Variants in GALNT13 observed in about 807,000 individuals in gnomAD.
GALNT13 encodes the protein UDP-GalNAc:polypeptide N-acetylgalactosaminyltransferase 13.
A neutral mutation model predicts 64.2 loss-of-function variants in GALNT13; 28 were observed. The ratio of observed to expected loss-of-function variants is 0.44; its 90% CI spans 0.32 to 0.60. The LOEUF is 0.60. Among genes scored for constraint, GALNT13 ranks in the 20% least tolerant of loss-of-function variants. The pLI is 0.05. For synonymous variants in GALNT13, 214 were observed against 224.6 expected, an observed-to-expected ratio of 0.95 and a Z score of 0.42; for missense variants, 577 against 669.8, an observed-to-expected ratio of 0.86 and a Z score of 1.53.
At chr2:153,219,620 A>G in the GALNT13 span, among the ~76,000 whole-genome samples, 2 of 152,212 alleles carry the variant, frequency 1.3e-5, no homozygotes, top group Admixed American at 1.3e-4. Context: ...CAAGTTATCC[A>G]CTCATTTTTA....
the GALNT13 span, among the ~76,000 whole-genome samples, chr2:153,280,986 T>C: frequency 6.6e-6 from 1 of 152,214 alleles, no homozygotes; most frequent in African/African-American, 2.4e-5. Flanking sequence ...ACTATTATTG[T>C]GTGGCTAAGT....
At chr2:154,357,188 TA>T in intron 9 of GALNT13, among the ~76,000 whole-genome samples, 1 of 152,046 alleles carries the variant, frequency 6.6e-6, no homozygotes, top group African/African-American at 2.4e-5. Flanking sequence ...ATAGAATCAT[TA>T]AAATAATCTC....
At chr2:153,108,127 C>T in the GALNT13 span, among the ~76,000 whole-genome samples, 1 of 152,190 alleles carries the variant, frequency 6.6e-6, no homozygotes, top group Non-Finnish European at 1.5e-5. Context: ...ATCCACCTGC[C>T]TTGGCCTCCC....
intron 9 of GALNT13, among the ~76,000 whole-genome samples, chr2:154,355,787 G>C (rs778851892): frequency 6.6e-6 from 1 of 151,984 alleles, no homozygotes; most frequent in Non-Finnish European, 1.5e-5. Flanking sequence ...AAATGTTCTA[G>C]AACTTTGGAC....
the GALNT13 span, among the ~76,000 whole-genome samples, chr2:153,121,132 C>G: frequency 8.5e-5 from 13 of 152,162 alleles, no homozygotes; most frequent in Non-Finnish European, 1.6e-4. Context: ...GTGCATCTAG[C>G]ATTAGAAGAG....
intron 8 of GALNT13, among the ~76,000 whole-genome samples, chr2:154,274,426 G>A (rs1015756008): frequency 6.6e-6 from 1 of 152,106 alleles, no homozygotes. Flanking sequence ...TGTGATCCTT[G>A]ATATAGTTTG....
At chr2:153,646,718 T>C in the GALNT13 span, among the ~76,000 whole-genome samples, 1 of 152,054 alleles carries the variant, frequency 6.6e-6, no homozygotes, top group African/African-American at 2.4e-5. Flanking sequence ...CGGTGTTTGG[T>C]TTTTTCGTCC....
the GALNT13 span, among the ~76,000 whole-genome samples, chr2:153,464,034 G>C: frequency 1.3e-5 from 2 of 152,046 alleles, no homozygotes; most frequent in African/African-American, 4.8e-5. Context: ...AGGTGGAAAA[G>C]CTGTGGTTCT....
intron 8 of GALNT13, chr2:154,286,985 C>T: frequency 1.8e-6 from 1 of 570,186 alleles, no homozygotes; most frequent in South Asian, 1.8e-5. Flanking sequence ...TCAGTGGTGG[C>T]TCACTTTGAT....
the GALNT13 span, among the ~76,000 whole-genome samples, chr2:153,673,686 A>G: frequency 6.6e-6 from 1 of 152,220 alleles, no homozygotes; most frequent in Non-Finnish European, 1.5e-5. Flanking sequence ...TATTCAACAT[A>G]GTGTTGGAAG....
At chr2:153,563,191 C>T in the GALNT13 span, among the ~76,000 whole-genome samples, 8 of 151,996 alleles carry the variant, frequency 5.3e-5, no homozygotes, top group African/African-American at 1.7e-4. Context: ...GTTGAGCTCT[C>T]CTTATTGAAT....
At chr2:153,653,686 A>G in the GALNT13 span, among the ~76,000 whole-genome samples, 293 of 152,290 alleles carry the variant, frequency 1.9e-3, no homozygotes, top group African/African-American at 6.8e-3. Context: ...ACATGAGTTC[A>G]TAATAACATT....
At chr2:154,119,809 T>C (rs982925070) in intron 3 of GALNT13, among the ~76,000 whole-genome samples, 9 of 152,180 alleles carry the variant, frequency 5.9e-5, no homozygotes, top group Admixed American at 1.3e-4. Context: ...GTCAAACTAA[T>C]CATTTTTGTG....
chr2:154,378,825 A>G (rs1466963595), intron 9 of GALNT13, among the ~76,000 whole-genome samples: 3 of 152,114 alleles, frequency 2.0e-5, no homozygotes, highest in South Asian at 2.1e-4. Flanking sequence ...CAATGTGTCA[A>G]TGGAAATAAT....
intron 3 of GALNT13, among the ~76,000 whole-genome samples, chr2:154,101,153 T>TTTGTTG (rs143375745): frequency 0.055 from 8,347 of 151,136 alleles, 345 homozygotes; most frequent in South Asian, 0.12. Context: ...CAGGGATATT[T>TTTGTTG]TTGTTGTTGT....
At chr2:153,735,307 T>C in the GALNT13 span, among the ~76,000 whole-genome samples, 17,721 of 152,056 alleles carry the variant, frequency 0.12, 1,614 homozygotes, top group African/African-American at 0.25. Context: ...GCAGAGAGTA[T>C]ATACTTTTCC....
intron 9 of GALNT13, among the ~76,000 whole-genome samples, chr2:154,323,259 G>T (rs778562661): frequency 6.6e-6 from 1 of 151,398 alleles, no homozygotes; most frequent in Non-Finnish European, 1.5e-5. Flanking sequence ...TTGTGCCATT[G>T]CACCTCACTG....
At chr2:153,722,207 A>G in the GALNT13 span, among the ~76,000 whole-genome samples, 3 of 146,088 alleles carry the variant, frequency 2.1e-5, no homozygotes, top group Non-Finnish European at 4.5e-5. Flanking sequence ...CTGAATGACT[A>G]CTGGGTACAT....
At chr2:153,467,067 A>T in the GALNT13 span, among the ~76,000 whole-genome samples, 1 of 152,086 alleles carries the variant, frequency 6.6e-6, no homozygotes. Flanking sequence ...AAGCTCCAAC[A>T]TATTCGAATA....
Sources: allele counts gnomAD v4.1 joint callset (sites outside exome capture counted in the v4.1 genomes callset), GRCh38; gene constraint gnomAD v4.1.1; transcripts MANE v1.5; gene names NCBI Gene and HGNC (gene_info 2026-07-23, HGNC 2026-07-21).